The following QSOX1 variants were observed in gnomAD, a reference collection of about 807,000 sequenced individuals.
QSOX1 encodes the protein quiescin sulfhydryl oxidase 1.
In QSOX1, 40 loss-of-function variants were observed where a neutral mutation model predicts 76.1. That is an observed-to-expected ratio of 0.53 (90% CI 0.41 to 0.68). The LOEUF (loss-of-function observed/expected upper bound fraction) is 0.68. Ranked by LOEUF, QSOX1 falls within the 30% of genes least tolerant of loss-of-function variation. QSOX1 has a pLI of 0.00. For missense variants in QSOX1, 931 were observed against 974.3 expected (o/e 0.96, Z 0.59); for synonymous variants, 392 against 413.1 (o/e 0.95, Z 0.62).
chr1:180,184,756 C>A (rs1055075631), intron 7 of QSOX1, among the ~76,000 whole-genome samples: 1 of 152,142 alleles, frequency 6.6e-6, no homozygotes, highest in Admixed American at 6.6e-5. Flanking sequence ...GTGCCCCTCA[C>A]AAGGGGATGC....
At chr1:180,155,719 G>A (rs1009161811) in intron 1 of QSOX1, among the ~76,000 whole-genome samples, 1 of 152,180 alleles carries the variant, frequency 6.6e-6, no homozygotes, top group African/African-American at 2.4e-5. Flanking sequence ...TCTCATTTTT[G>A]TCTTTGATGT....
chr1:180,164,669 G>C (rs192271473), intron 1 of QSOX1, among the ~76,000 whole-genome samples: 1 of 152,344 alleles, frequency 6.6e-6, no homozygotes, highest in East Asian at 1.9e-4. Flanking sequence ...TTCCCCAGGC[G>C]TAACGTGTTC....
intron 10 of QSOX1, 37 bp downstream of exon 10, chr1:180,190,617 A>G (rs922264768): frequency 1.9e-6 from 3 of 1,583,384 alleles, no homozygotes; most frequent in Middle Eastern, 1.8e-4. Flanking sequence ...TGTGCCTCCA[A>G]CCCTGCTCTG....
At chr1:180,179,794 G>A (rs1191254067) in intron 5 of QSOX1, among the ~76,000 whole-genome samples, 1 of 152,244 alleles carries the variant, frequency 6.6e-6, no homozygotes, top group African/African-American at 2.4e-5. Context: ...CTGAGCTGAA[G>A]CCAGATGCTG....
At chr1:180,184,983 G>A (rs928058911) in intron 7 of QSOX1, among the ~76,000 whole-genome samples, 6 of 152,184 alleles carry the variant, frequency 3.9e-5, no homozygotes, top group Admixed American at 1.3e-4. Context: ...TGACGTTCTT[G>A]TAATAGCTTG....
At chr1:180,182,454 T>A in intron 6 of QSOX1, 135 bp downstream of exon 6, 1 of 1,240,736 alleles carries the variant, frequency 8.1e-7, no homozygotes, top group East Asian at 2.3e-5. Flanking sequence ...GAAGCTGCAG[T>A]CTGCTGTCTG....
At chr1:180,159,164 A>C (rs536954887) in intron 1 of QSOX1, among the ~76,000 whole-genome samples, 2 of 152,226 alleles carry the variant, frequency 1.3e-5, no homozygotes, top group East Asian at 3.9e-4. Flanking sequence ...TTGCCTCGCC[A>C]CCCTTCCCCT....
Position 180,203,846 on chromosome 1 carries a change from G to C in QSOX1, c.*6809G>C, listed in dbSNP as rs1327948834. 2 of 152,178 alleles carry C rather than the reference G, an allele frequency of 1.3e-5. No homozygotes were observed. The highest frequency in any genetic ancestry group is 1.5e-5 in the Non-Finnish European group (1 of 68,030). 9.4% of individuals were successfully genotyped at this position (152,178 alleles called of 1,614,324 possible). A position where few individuals can be genotyped will look rare whatever the true frequency, so the allele number is the denominator to read the frequency against. ...TGTTTTCTGTCCCTAAATTCTCTCT[G>C]AGTACACTGCAGCCCTGAAGTTCTT... On this transcript the variant is annotated 3_prime_UTR_variant, in exon 12 of 12. Coordinates refer to ENST00000367602, the MANE Select transcript of QSOX1 (RefSeq NM_002826.5).
chr1:180,159,226 G>A (rs1019210729), intron 1 of QSOX1, among the ~76,000 whole-genome samples: 3 of 152,192 alleles, frequency 2.0e-5, no homozygotes, highest in Non-Finnish European at 2.9e-5. Flanking sequence ...GCTGTTCAGA[G>A]CAATAATTGC....
Position 180,197,164 on chromosome 1 carries a change from C to T in QSOX1, c.*127C>T, listed in dbSNP as rs559203887. ...TAGAAGTGTGGGAAATTCAGGAAAACGAGTTGCTCCAGTGAAGCTTCTTGG... is the reference window on the plus strand; with the variant it reads ...TAGAAGTGTGGGAAATTCAGGAAAATGAGTTGCTCCAGTGAAGCTTCTTGG... On this transcript the variant is annotated 3_prime_UTR_variant, in exon 12 of 12. Coordinates refer to ENST00000367602, the MANE Select transcript of QSOX1 (RefSeq NM_002826.5). 65 of 1,306,542 alleles carry T rather than the reference C, an allele frequency of 5.0e-5. No homozygotes were observed. Among genetic ancestry groups the T allele is most frequent in the African/African-American group, 1.9e-4 (12 of 63,874 alleles). 80.9% of individuals were successfully genotyped at this position (1,306,542 alleles called of 1,614,324 possible). A position where few individuals can be genotyped will look rare whatever the true frequency, so the allele number is the denominator to read the frequency against.
intron 1 of QSOX1, among the ~76,000 whole-genome samples, chr1:180,159,786 T>C (rs1662453534): frequency 6.6e-6 from 1 of 152,168 alleles, no homozygotes; most frequent in Admixed American, 6.5e-5. Context: ...CTTGAGGGAC[T>C]CCATCTTGGT....
rs200431574 is a variant in QSOX1, at chr1:180,190,591, G to A, written c.1288+11G>A. ...ACTCACAGGAAGCAGGTACGTCCAG[G>A]ACCCGTTCACCCCACTGTGCCTCCA... On this transcript the variant is annotated intron_variant, in intron 10 of 11. Coordinates refer to ENST00000367602, the MANE Select transcript of QSOX1 (RefSeq NM_002826.5). 6,723 of 1,608,994 alleles carry A rather than the reference G, an allele frequency of 4.2e-3. 25 individuals are homozygous for A. Among genetic ancestry groups the A allele is most frequent in the Middle Eastern group, 0.016 (95 of 5,928 alleles).
At chr1:180,175,096 G>A (rs184303026) in intron 2 of QSOX1, among the ~76,000 whole-genome samples, 52 of 151,440 alleles carry the variant, frequency 3.4e-4, no homozygotes, top group Middle Eastern at 3.4e-3. Flanking sequence ...GGCAGAGCTT[G>A]CAGTGAGCCG....
intron 8 of QSOX1, among the ~76,000 whole-genome samples, chr1:180,186,820 C>A (rs1663186452): frequency 6.6e-6 from 1 of 152,278 alleles, no homozygotes; most frequent in East Asian, 1.9e-4. Context: ...TGCCTTCGTT[C>A]TGCCAGCCTG....
rs544901937 is a variant in QSOX1, at chr1:180,163,508, A to T, written c.266-2983A>T. Among the ~76,000 whole-genome samples, 7 of 152,332 alleles carry T rather than the reference A, an allele frequency of 4.6e-5. No homozygotes were observed. The South Asian group carries it at 1.4e-3, about 32-fold the overall frequency. The stretch of plus-strand genomic sequence containing the variant: ...ACATTCACCATTTCATAATTTCTAG[A>T]AACATGTTTCCTCAGCTTTTCATGC... On this transcript the variant is annotated intron_variant, in intron 1 of 11. Coordinates refer to ENST00000367602, the MANE Select transcript of QSOX1 (RefSeq NM_002826.5).
rs574926570 is a variant in QSOX1, at chr1:180,197,515, G to C, written c.*478G>C. ...CCTTCCGGACAATGAAGAAGCCTTT[G>C]CACCCTGGGAGGAAGGACCACCCCG... On this transcript the variant is annotated 3_prime_UTR_variant, in exon 12 of 12. Transcript: ENST00000367602. 2.7e-4 allele frequency: 280 copies of C among 1,054,010 alleles called. 2 individuals carry two copies. In the East Asian group the frequency reaches 6.4e-3, roughly 24 times the overall value. The allele number at this position is 1,054,010 out of a possible 1,614,324, so 65.3% of individuals were successfully genotyped here.
At chr1:180,195,668 T>C (rs1663458446) in intron 11 of QSOX1, among the ~76,000 whole-genome samples, 1 of 151,770 alleles carries the variant, frequency 6.6e-6, no homozygotes, top group Admixed American at 6.6e-5. Flanking sequence ...ACCCCTCAGG[T>C]CTCCCCCCAA....
chr1:180,155,233 G>T, intron 1 of QSOX1, 61 bp downstream of exon 1: 1 of 1,379,026 alleles, frequency 7.3e-7, no homozygotes, highest in Non-Finnish European at 9.4e-7. Context: ...CCACCTGCCC[G>T]GTGGGCAGCC....
chr1:180,198,381 C>T lies in QSOX1; in HGVS notation c.*1344C>T. 1 of 456,770 alleles carries T rather than the reference C, an allele frequency of 2.2e-6. No homozygotes were observed. The highest frequency in any genetic ancestry group is 4.4e-6 in the Non-Finnish European group (1 of 226,970). The allele number at this position is 456,770 out of a possible 1,614,324, so 28.3% of individuals were successfully genotyped here. The stretch of plus-strand genomic sequence containing the variant: ...TTTGTCAGAGCTGCAGGGTTGGCCA[C>T]TCGGTGGGGAGGAGTCAGCCAGGAT... On this transcript the variant is annotated 3_prime_UTR_variant, in exon 12 of 12. Transcript: ENST00000367602.
Sources: gnomAD v4.1 joint callset for allele counts (sites outside exome capture counted in the v4.1 genomes callset) on GRCh38, gnomAD v4.1.1 for gene constraint, MANE v1.5 for transcripts, NCBI Gene and HGNC (gene_info 2026-07-23, HGNC 2026-07-21) for gene names.